The following PUF60 variants were observed in gnomAD, a reference collection of about 807,000 sequenced individuals.
PUF60 encodes the protein poly(U) binding splicing factor 60.
Under a neutral mutation model 61.8 loss-of-function variants are expected in PUF60, and 10 were observed. The observed-to-expected ratio is 0.16, with a 90% CI of 0.10 to 0.27. The LOEUF is 0.27. Ranked by LOEUF, PUF60 falls within the 10% of genes least tolerant of loss-of-function variation. The pLI, the probability that PUF60 is intolerant of heterozygous loss-of-function variation, is 1.00. For synonymous variants in PUF60, 353 were observed against 300.9 expected, an observed-to-expected ratio of 1.17 and a Z score of -1.79; for missense variants, 371 against 754.0, an observed-to-expected ratio of 0.49 and a Z score of 5.95.
chr8:143,816,421 G>A lies in PUF60; in HGVS notation c.*99C>T, dbSNP rs997651875. ...GCACCTTTATCCGCACTGTAGGCTG[G>A]GCTGGGCAGAGCGCGCCTGGCCCCG... is the stretch of plus-strand genomic sequence containing the variant. On this transcript the variant is annotated 3_prime_UTR_variant, in exon 12 of 12. Transcript: ENST00000526683. 3 of 1,354,254 alleles carry A rather than the reference G, an allele frequency of 2.2e-6. No individual in the cohort carries two copies. Among genetic ancestry groups the A allele is most frequent in the Non-Finnish European group, 2.0e-6 (2 of 1,003,790 alleles). 83.9% of individuals were successfully genotyped at this position (1,354,254 alleles called of 1,614,324 possible).
In PUF60 at chr8:143,817,282, G is replaced by A. The variant is rs1245350582; in HGVS notation, c.1144+49C>T. On this transcript the variant is annotated intron_variant, in intron 10 of 11. Coordinates refer to ENST00000526683, the MANE Select transcript of PUF60 (RefSeq NM_078480.3). The surrounding 1 kb of genome is among the most constrained non-coding windows in gnomAD (Gnocchi z 7.4). ...CAGGCAGCTGAGGGCAGCGAGCCGA[G>A]AGATGCCAGGACAGGAGAGGAGAGG... 5.1e-6 allele frequency: 8 copies of A among 1,560,880 alleles called. No homozygotes were observed. The highest frequency in any genetic ancestry group is 6.9e-6 in the Non-Finnish European group (8 of 1,156,438).
At chr8:143,820,067 T>G (rs533484550) in intron 5 of PUF60, among the ~76,000 whole-genome samples, 1 of 151,968 alleles carries the variant, frequency 6.6e-6, no homozygotes, top group Non-Finnish European at 1.5e-5. Context: ...GAGGGACACC[T>G]CCTTCCCACA....
Position 143,817,012 on chromosome 8 carries a change from G to A in PUF60, c.1278C>T (p.Pro426=), listed in dbSNP as rs369690119. 74 of 1,608,462 alleles carry A rather than the reference G, an allele frequency of 4.6e-5. No individual in the cohort carries two copies. Among genetic ancestry groups the A allele is most frequent in the Non-Finnish European group, 5.5e-5 (65 of 1,177,782 alleles). Residue 426 remains proline (P), a synonymous_variant, in exon 11 of 12, where the codon CCC becomes CCT. Coordinates refer to ENST00000526683, the MANE Select transcript of PUF60 (RefSeq NM_078480.3). The surrounding 1 kb of genome is among the most constrained non-coding windows in gnomAD (Gnocchi z 7.4). Reference sequence around the variant, plus strand: ...TCAGCATCTCTGGCCGCTCTGACTCGGGAAACAGCTCCTCTTCTTCCTTCT... The same window carrying A: ...TCAGCATCTCTGGCCGCTCTGACTCAGGAAACAGCTCCTCTTCTTCCTTCT... The part of the protein sequence containing the change: ...KKEKEEEELF[P]ESERPEMLSE...
chr8:143,816,891 A>G lies in PUF60; in HGVS notation c.1380+19T>C, dbSNP rs1200777068. ...CCCCCCTACCCTCTCCCCCGCCACC[A>G]CCCTGCCCCTCTGCCTACCTCCTGC... is the stretch of plus-strand genomic sequence containing the variant. On this transcript the variant is annotated intron_variant, in intron 11 of 11. Transcript: ENST00000526683. The G allele has an allele frequency of 3.1e-6, 2 of 653,084 alleles. No individual in the cohort carries two copies. Among genetic ancestry groups the G allele is most frequent in the Non-Finnish European group, 4.5e-6 (2 of 447,756 alleles). 40.5% of individuals were successfully genotyped at this position (653,084 alleles called of 1,614,324 possible).
chr8:143,818,293 C>T lies in PUF60; in HGVS notation c.511-8G>A. On this transcript the variant is annotated splice_polypyrimidine_tract_variant and splice_region_variant and intron_variant, in intron 6 of 11. Coordinates refer to ENST00000526683, the MANE Select transcript of PUF60 (RefSeq NM_078480.3). This position sits in a 1 kb window ranked among gnomAD's most constrained non-coding sequence, Gnocchi z 7.9. The stretch of plus-strand genomic sequence containing the variant: ...CTCCACGAAGGCAAAGCCCTAGACA[C>T]AGGGACACACCTGTCAGGCTGCGCG... 1.2e-6 allele frequency: 2 copies of T among 1,607,180 alleles called. No individual in the cohort carries two copies. The highest frequency in any genetic ancestry group is 2.2e-5 in the East Asian group (1 of 44,762).
intron 1 of PUF60, among the ~76,000 whole-genome samples, chr8:143,828,442 C>T (rs1189806864): frequency 6.6e-6 from 1 of 152,264 alleles, no homozygotes; most frequent in Non-Finnish European, 1.5e-5. Context: ...AAAGACCAGA[C>T]TTCATCGTGC....
intron 2 of PUF60, among the ~76,000 whole-genome samples, chr8:143,823,571 C>T (rs55930529): frequency 0.38 from 57,408 of 152,256 alleles, 14,155 homozygotes; most frequent in Non-Finnish European, 0.55. Flanking sequence ...ATCCAAGCTG[C>T]ATACCATGTC....
intron 1 of PUF60, among the ~76,000 whole-genome samples, chr8:143,828,069 G>A (rs4076358): frequency 0.47 from 71,710 of 152,136 alleles, 20,115 homozygotes; most frequent in South Asian, 0.65. Flanking sequence ...TACTCCTGTG[G>A]CTTCAAGAGA....
intron 5 of PUF60, among the ~76,000 whole-genome samples, chr8:143,819,510 C>T (rs1195459118): frequency 6.6e-6 from 1 of 152,182 alleles, no homozygotes; most frequent in African/African-American, 2.4e-5. Context: ...GGCCAGAGAC[C>T]AGTTTCCCTC....
intron 1 of PUF60, chr8:143,827,483 C>A (rs1188647249): frequency 2.2e-6 from 1 of 455,866 alleles, no homozygotes; most frequent in Non-Finnish European, 4.4e-6. Context: ...GCTTCCTTCC[C>A]CACCAGGCCA....
At position 143,829,284 on chromosome 8, in the gene PUF60, G is replaced by C. The variant is rs1470495710; in HGVS notation, c.20C>G (p.Ala7Gly). 1.6e-6 allele frequency: 2 copies of C among 1,267,904 alleles called. No individual in the cohort carries two copies. Among genetic ancestry groups the C allele is most frequent in the South Asian group, 2.7e-5 (1 of 36,484 alleles). 78.5% of individuals were successfully genotyped at this position (1,267,904 alleles called of 1,614,324 possible). Residue 7 changes from alanine to glycine, a missense_variant, in exon 1 of 12, where the codon GCT becomes GGT. Transcript: ENST00000526683. MATATI[A>G]LQVNGQQGGG... The stretch of plus-strand genomic sequence containing the variant: ...CTCATGGGGGGGCTCACTTACGAGA[G>C]CTATGGTCGCCGTCGCCATCTTGCG...
chr8:143,820,556 G>C, intron 5 of PUF60, 110 bp downstream of exon 5: 1 of 1,244,408 alleles, frequency 8.0e-7, no homozygotes, highest in Non-Finnish European at 1.2e-6. Context: ...TCCAGAGCTG[G>C]CGGGCAGGGC....
Position 143,818,619 on chromosome 8 carries a change from A to G in PUF60, c.349-85T>C. On this transcript the variant is annotated intron_variant, in intron 5 of 11. Transcript: ENST00000526683. The surrounding 1 kb of genome is among the most constrained non-coding windows in gnomAD (Gnocchi z 7.9). ...AGCCCACTCCCCTCCTGGCCCACCC[A>G]CCCAGCCCTGCTGTGGGGAGGGCTC... The G allele has an allele frequency of 7.2e-7, 1 of 1,396,220 alleles. No homozygotes were observed. The allele number at this position is 1,396,220 out of a possible 1,614,324, so 86.5% of individuals were successfully genotyped here. A position where few individuals can be genotyped will look rare whatever the true frequency, so the allele number is the denominator to read the frequency against.
At position 143,821,627 on chromosome 8, in the gene PUF60, C is replaced by G. The variant is rs371840385; in HGVS notation, c.267G>C (p.Ala89=). ...GGTTGGTGAGCTGCTGCTGCTGGTG[C>G]GCGATGGTCTGCTTCACCAGCACAC... ...IKSVLVKQTI[A]HQQQQLTNLQ... The change falls in exon 4 of 12, where the codon GCG becomes GCC. Residue 89 remains alanine, a synonymous_variant. Transcript: ENST00000526683. The G allele has an allele frequency of 2.5e-5, 39 of 1,545,386 alleles. No homozygotes were observed. Among genetic ancestry groups the G allele is most frequent in the Non-Finnish European group, 2.4e-5 (27 of 1,147,052 alleles).
chr8:143,817,841 G>T lies in PUF60; in HGVS notation c.817+21C>A, dbSNP rs746856352. ...CCCAGCCTCAGGTGGCCCCCATCCC[G>T]CCTCAGCCACCCCAGCTCACCAATG... On this transcript the variant is annotated intron_variant, in intron 8 of 11. Transcript: ENST00000526683. This position sits in a 1 kb window ranked among gnomAD's most constrained non-coding sequence, Gnocchi z 7.4. 1 of 1,609,234 alleles carries T rather than the reference G, an allele frequency of 6.2e-7. No homozygotes were observed. The highest frequency in any genetic ancestry group is 1.1e-5 in the South Asian group (1 of 90,724).
At chr8:143,824,184 G>A in intron 2 of PUF60, 129 bp downstream of exon 2, 1 of 919,814 alleles carries the variant, frequency 1.1e-6, no homozygotes, top group Non-Finnish European at 1.6e-6. Flanking sequence ...CAGAGGCAGA[G>A]AAGGGTTCCC....
rs1234196603 is a variant in PUF60, at chr8:143,820,824, G to A, written c.298-108C>T. The A allele has an allele frequency of 1.2e-5, 13 of 1,107,594 alleles. No homozygotes were observed. The East Asian group carries it at 2.4e-4, about 20-fold the overall frequency. 68.6% of individuals were successfully genotyped at this position (1,107,594 alleles called of 1,614,324 possible). ...AAGGCCCGGAGTCCCCGCCCTGCCA[G>A]GGAGGCCGCCTGCCTTCCCACACTG... On this transcript the variant is annotated intron_variant, in intron 4 of 11. Coordinates refer to ENST00000526683, the MANE Select transcript of PUF60 (RefSeq NM_078480.3).
chr8:143,818,121 G>C lies in PUF60; in HGVS notation c.604-46C>G. 3 of 1,602,098 alleles carry C rather than the reference G, an allele frequency of 1.9e-6. No homozygotes were observed. The highest frequency in any genetic ancestry group is 1.7e-6 in the Non-Finnish European group (2 of 1,174,312). ...TGGAAAGACCGGTCAACCCAGGCCC[G>C]GCCACAAAAGGCTTCCGTGGAGGGG... On this transcript the variant is annotated intron_variant, in intron 7 of 11. Transcript: ENST00000526683. The surrounding 1 kb of genome is among the most constrained non-coding windows in gnomAD (Gnocchi z 7.9).
chr8:143,826,526 C>G (rs1290031610), intron 1 of PUF60, among the ~76,000 whole-genome samples: 1 of 152,136 alleles, frequency 6.6e-6, no homozygotes, highest in Non-Finnish European at 1.5e-5. Context: ...ACCAGCCTGG[C>G]CAACATGGTG....
Sources: gnomAD v4.1 joint callset for allele counts (sites outside exome capture counted in the v4.1 genomes callset) on GRCh38, gnomAD v4.1.1 for gene constraint, Gnocchi (gnomAD v3.1) non-coding constraint, MANE v1.5 for transcripts, NCBI Gene and HGNC (gene_info 2026-07-23, HGNC 2026-07-21) for gene names.